CRACR2A: variants seen among roughly 807,000 people sequenced by gnomAD.
CRACR2A encodes the protein calcium release activated channel regulator 2A.
CRACR2A carries 79 observed loss-of-function variants against 90.5 expected under a neutral mutation model. The observed-to-expected ratio is 0.87, with a 90% CI of 0.73 to 1.05. The LOEUF is 1.05. Among genes scored for constraint, CRACR2A ranks in the 50% least tolerant of loss-of-function variants. The probability of loss-of-function intolerance (pLI) is 0.00; values close to 1 mark genes in which losing one functional copy is unlikely to be tolerated. For synonymous variants in CRACR2A, 338 were observed against 356.7 expected, an observed-to-expected ratio of 0.95 and a Z score of 0.59; for missense variants, 823 against 897.2, an observed-to-expected ratio of 0.92 and a Z score of 1.06.
At position 3,704,918 on chromosome 12, in the gene CRACR2A, G is replaced by A. The variant is rs933947660; in HGVS notation, c.-36-7883C>T. On this transcript the variant is annotated intron_variant, in intron 3 of 19. Coordinates refer to ENST00000440314, the MANE Select transcript of CRACR2A (RefSeq NM_001144958.2). ...GCTAGACCTGCAGTCTTTGCTGAGC[G>A]TCTGTGGCTTTCTCAAGACCAGTGG... Among the ~76,000 whole-genome samples, 15 of 152,326 alleles carry A rather than the reference G, an allele frequency of 9.8e-5. No individual in the cohort carries two copies. In the South Asian group the frequency reaches 1.9e-3, roughly 19 times the overall value.
At chr12:3,704,429 T>C (rs1175532346) in intron 3 of CRACR2A, among the ~76,000 whole-genome samples, 1 of 152,186 alleles carries the variant, frequency 6.6e-6, no homozygotes. Context: ...TGTGGATATG[T>C]CTGCTACCTT....
chr12:3,644,930 C>T (rs189586087), intron 11 of CRACR2A, among the ~76,000 whole-genome samples: 101 of 152,328 alleles, frequency 6.6e-4, no homozygotes, highest in South Asian at 5.2e-3. Context: ...CAGAGGGGAC[C>T]TCAGCATTCC....
At chr12:3,735,084 A>AT (rs34792866) in intron 1 of CRACR2A, among the ~76,000 whole-genome samples, 40,775 of 151,990 alleles carry the variant, frequency 0.27, 6,311 homozygotes, top group African/African-American at 0.43. Context: ...TATAAAAAAA[A>AT]TTTTCTCTTT....
intron 7 of CRACR2A, among the ~76,000 whole-genome samples, chr12:3,669,095 T>C (rs76030232): frequency 0.023 from 3,443 of 152,238 alleles, 129 homozygotes; most frequent in African/African-American, 0.077. Context: ...ACACTTTCCT[T>C]CAGAGCTCAA....
chr12:3,657,287 TG>T (rs1944929648), intron 8 of CRACR2A, among the ~76,000 whole-genome samples: 1 of 152,228 alleles, frequency 6.6e-6, no homozygotes, highest in South Asian at 2.1e-4. Context: ...AGGTACAAAA[TG>T]TGCAGGAAGA....
intron 4 of CRACR2A, among the ~76,000 whole-genome samples, chr12:3,691,537 G>A (rs573633443): frequency 6.6e-6 from 1 of 152,158 alleles, no homozygotes; most frequent in South Asian, 2.1e-4. Context: ...GCTTCCCTTT[G>A]TAGGTGACCT....
chr12:3,679,507 C>T (rs1389844844), intron 5 of CRACR2A, among the ~76,000 whole-genome samples: 4 of 152,198 alleles, frequency 2.6e-5, no homozygotes. Flanking sequence ...CATCACTAGA[C>T]TTCACATCTA....
chr12:3,653,400 C>A (rs1386299248), intron 10 of CRACR2A, among the ~76,000 whole-genome samples: 1 of 152,214 alleles, frequency 6.6e-6, no homozygotes, highest in Non-Finnish European at 1.5e-5. Context: ...AAGTCATTGA[C>A]TATATGGATA....
In CRACR2A at chr12:3,696,863, G is replaced by A. The variant is rs749126914; in HGVS notation, c.137C>T (p.Ser46Leu). Residue 46 changes from serine (S) to leucine (L), a missense_variant, in exon 4 of 20, where the codon TCG (serine) becomes TTG (leucine). Ser to Leu is a moderately radical substitution (Grantham distance 145, BLOSUM62 -2). Coordinates refer to ENST00000440314, the MANE Select transcript of CRACR2A (RefSeq NM_001144958.2). ...LEQKETQEQT[S>L]GQLVMLRKAQ... ...CTTCCTCAGCATGACTAGCTGGCCC[G>A]ACGTTTGCTCCTGAGTCTCCTTCTG... The A allele has an allele frequency of 3.1e-5, 50 of 1,614,090 alleles. No individual in the cohort carries two copies. The highest frequency in any genetic ancestry group is 4.0e-5 in the Non-Finnish European group (47 of 1,180,056).
In CRACR2A at chr12:3,735,318, C is replaced by T. The variant is rs147019041; in HGVS notation, c.-386-2108G>A. Among the ~76,000 whole-genome samples, 67 of 152,300 alleles carry T rather than the reference C, an allele frequency of 4.4e-4. 2 individuals are homozygous for T. The East Asian group carries it at 0.012, about 28-fold the overall frequency. On this transcript the variant is annotated intron_variant, in intron 1 of 19. Transcript: ENST00000440314. ...ATCCTAGGACAGGGTGCACGCAAGC[C>T]TGTGTGGGCACAAAGAAGGGTGCGG...
rs924616749 is a variant in CRACR2A, at chr12:3,713,351, T to C, written c.-117-34A>G. The C allele has an allele frequency of 3.1e-6, 3 of 971,104 alleles. No individual in the cohort carries two copies. In the African/African-American group the frequency reaches 5.3e-5, roughly 17 times the overall value. The allele number at this position is 971,104 out of a possible 1,614,324, so 60.2% of individuals were successfully genotyped here. A position where few individuals can be genotyped will look rare whatever the true frequency, so the allele number is the denominator to read the frequency against. ...CACACAAGAGATGAATCACACCTTA[T>C]TTTCCACTGAGGGTTACAACAGAAG... On this transcript the variant is annotated intron_variant, in intron 2 of 19. Coordinates refer to ENST00000440314, the MANE Select transcript of CRACR2A (RefSeq NM_001144958.2).
At position 3,617,011 on chromosome 12, in the gene CRACR2A, TAGA is replaced by T; in HGVS notation, c.2051_2053del (p.Phe684del). 1.9e-6 allele frequency: 3 copies of T among 1,551,494 alleles called. No individual in the cohort carries two copies. The highest frequency in any genetic ancestry group is 2.6e-6 in the Non-Finnish European group (3 of 1,146,826). ...GTGACCAGAGTAGGCGCTGCATTCA[TAGA>T]AGATCAGATTGTTCTCCTAGAATCA... On this transcript the variant is annotated inframe_deletion, in exon 19 of 20. Coordinates refer to ENST00000440314, the MANE Select transcript of CRACR2A (RefSeq NM_001144958.2).
At chr12:3,629,223 C>A (rs1398447041) in intron 15 of CRACR2A, among the ~76,000 whole-genome samples, 1 of 151,968 alleles carries the variant, frequency 6.6e-6, no homozygotes, top group Non-Finnish European at 1.5e-5. Flanking sequence ...CGTGCCTTGC[C>A]CGAGCTGGTC....
chr12:3,628,123 C>A (rs1944306585), intron 15 of CRACR2A, among the ~76,000 whole-genome samples: 1 of 148,456 alleles, frequency 6.7e-6, no homozygotes, highest in Non-Finnish European at 1.5e-5. Context: ...CCCTCCCTCC[C>A]TCCCTTCCTT....
chr12:3,657,454 C>T (rs1430283941), intron 8 of CRACR2A, among the ~76,000 whole-genome samples: 1 of 152,180 alleles, frequency 6.6e-6, no homozygotes, highest in Non-Finnish European at 1.5e-5. Flanking sequence ...GGGAACACGG[C>T]CCCCTCGGGC....
chr12:3,630,174 G>A (rs1471348993), intron 15 of CRACR2A, among the ~76,000 whole-genome samples: 2 of 152,206 alleles, frequency 1.3e-5, no homozygotes, highest in Non-Finnish European at 2.9e-5. Flanking sequence ...TTTAAGTGCA[G>A]CTGGAGCATT....
rs899399334 is a variant in CRACR2A at position 3,746,069 on chromosome 12, G to C, written c.-387+6946C>G. ...GTGCTGTAAATGCTTCCCAGCCTGG[G>C]CTGTACTTCTAGGTGCAGCTCAAAT... On this transcript the variant is annotated intron_variant, in intron 1 of 19. Transcript: ENST00000440314. The surrounding 1 kb of genome is among the most constrained non-coding windows in gnomAD (Gnocchi z 4.4). 1.3e-5 allele frequency among the ~76,000 whole-genome samples: 2 copies of C among 152,112 alleles called. No individual in the cohort carries two copies. The highest frequency in any genetic ancestry group is 2.4e-5 in the African/African-American group (1 of 41,434).
intron 17 of CRACR2A, among the ~76,000 whole-genome samples, chr12:3,621,572 A>G (rs2137279599): frequency 7.3e-6 from 1 of 137,852 alleles, no homozygotes; most frequent in East Asian, 2.3e-4. Context: ...AATTGCTTCA[A>G]CCTGGGAGGC....
intron 14 of CRACR2A, among the ~76,000 whole-genome samples, chr12:3,635,009 T>G (rs1944433483): frequency 6.6e-6 from 1 of 152,190 alleles, no homozygotes; most frequent in Admixed American, 6.5e-5. Flanking sequence ...TGTATCAATC[T>G]AATACACCCA....
Sources: allele counts gnomAD v4.1 joint callset (sites outside exome capture counted in the v4.1 genomes callset), GRCh38; gene constraint gnomAD v4.1.1; non-coding constraint Gnocchi (gnomAD v3.1); transcripts MANE v1.5; gene names NCBI Gene and HGNC (gene_info 2026-07-23, HGNC 2026-07-21).